The following GARIN5A variants were observed in gnomAD, a reference collection of about 807,000 sequenced individuals.
GARIN5A encodes the protein Golgi-associated RAB2 interactor protein 5A.
the GARIN5A span, among the ~76,000 whole-genome samples, chr19:50,471,642 A>G: frequency 2.8e-4 from 30 of 108,476 alleles, no homozygotes; most frequent in South Asian, 1.9e-3. Context: ...ACATGTGTGT[A>G]TATACGCATA....
the GARIN5A span, among the ~76,000 whole-genome samples, chr19:50,474,760 T>C: frequency 6.6e-6 from 1 of 152,170 alleles, no homozygotes; most frequent in Admixed American, 6.5e-5. Flanking sequence ...GTGCTGGGAT[T>C]ACAGGTGTGG....
At chr19:50,476,565 G>T in the GARIN5A span, 2 of 1,575,184 alleles carry the variant, frequency 1.3e-6, no homozygotes, top group Non-Finnish European at 8.6e-7. Context: ...CCAGCGCTGG[G>T]GCAACCCGGC....
the GARIN5A span, among the ~76,000 whole-genome samples, chr19:50,468,461 C>CT: frequency 1.3e-5 from 2 of 151,972 alleles, no homozygotes; most frequent in Non-Finnish European, 2.9e-5. Flanking sequence ...GCTCCCTCAG[C>CT]CCCTCACACG....
the GARIN5A span, among the ~76,000 whole-genome samples, chr19:50,474,598 G>A: frequency 1.3e-5 from 2 of 152,080 alleles, no homozygotes; most frequent in African/African-American, 2.4e-5. Flanking sequence ...ACCCACCTCA[G>A]CCTCCCAAAG....
At chr19:50,470,775 C>G in the GARIN5A span, among the ~76,000 whole-genome samples, 1 of 151,398 alleles carries the variant, frequency 6.6e-6, no homozygotes. Context: ...CTGCCTCAGC[C>G]TCCCGAGTAG....
the GARIN5A span, chr19:50,476,622 G>T: frequency 6.4e-7 from 1 of 1,556,328 alleles, no homozygotes; most frequent in Non-Finnish European, 8.6e-7. Context: ...GTCGAGCCCG[G>T]GGCAGCGGCT....
At chr19:50,472,192 A>ATGTATACGTGTGTATATGTATGTATACG in the GARIN5A span, among the ~76,000 whole-genome samples, 6 of 107,096 alleles carry the variant, frequency 5.6e-5, no homozygotes, top group African/African-American at 2.4e-4. Context: ...GTATACATGT[A>ATGTATACGTGTGTATATGTATGTATACG]TGTGTGCATG....
the GARIN5A span, among the ~76,000 whole-genome samples, chr19:50,474,734 G>C: frequency 1.3e-5 from 2 of 151,880 alleles, no homozygotes; most frequent in African/African-American, 4.8e-5. Flanking sequence ...TGATCTGCCT[G>C]CCTTGGCCTC....
the GARIN5A span, among the ~76,000 whole-genome samples, chr19:50,473,210 T>C: frequency 6.6e-6 from 1 of 152,208 alleles, no homozygotes; most frequent in Non-Finnish European, 1.5e-5. Context: ...ATCTTTTGGA[T>C]TTCAGAAATG....
chr19:50,472,594 T>C, the GARIN5A span, among the ~76,000 whole-genome samples: 1 of 152,018 alleles, frequency 6.6e-6, no homozygotes. Flanking sequence ...GAAATACAGT[T>C]AGCATTTAAA....
At chr19:50,471,807 CAT>C in the GARIN5A span, among the ~76,000 whole-genome samples, 23 of 143,490 alleles carry the variant, frequency 1.6e-4, no homozygotes, top group Admixed American at 8.8e-4. Context: ...TGTGTATACG[CAT>C]ACATACCTGT....
chr19:50,476,360 T>G, the GARIN5A span: 5 of 1,572,684 alleles, frequency 3.2e-6, no homozygotes, highest in Admixed American at 9.0e-5. Flanking sequence ...GGGCGGCTCC[T>G]GGAGATCAGG....
chr19:50,467,822 G>T, the GARIN5A span: 1 of 1,613,052 alleles, frequency 6.2e-7, no homozygotes, highest in East Asian at 2.2e-5. Context: ...AACTTCAAGG[G>T]GAACAGCCTG....
At chr19:50,470,698 G>A in the GARIN5A span, among the ~76,000 whole-genome samples, 177 of 133,860 alleles carry the variant, frequency 1.3e-3, 1 homozygote, top group African/African-American at 4.8e-3. Flanking sequence ...ACTGTTTCCC[G>A]GGCTGGAGTG....
chr19:50,469,985 G>T, the GARIN5A span, among the ~76,000 whole-genome samples: 3 of 152,068 alleles, frequency 2.0e-5, no homozygotes, highest in Non-Finnish European at 2.9e-5. Context: ...TTTTTCCCCC[G>T]ACAACCTTAT....
the GARIN5A span, chr19:50,476,193 G>A: frequency 3.1e-6 from 5 of 1,613,734 alleles, no homozygotes; most frequent in East Asian, 2.2e-5. Context: ...CCGCGATCCC[G>A]CCTCATTGCA....
At chr19:50,476,526 C>G in the GARIN5A span, 1 of 1,569,940 alleles carries the variant, frequency 6.4e-7, no homozygotes, top group African/African-American at 1.4e-5. Flanking sequence ...CGTCCCTTCG[C>G]TGGTGGGAAG....
chr19:50,471,715 T>C, the GARIN5A span, among the ~76,000 whole-genome samples: 20 of 147,954 alleles, frequency 1.4e-4, no homozygotes, highest in African/African-American at 4.9e-4. Context: ...CACGTGTGTG[T>C]ATACGCATAC....
the GARIN5A span, among the ~76,000 whole-genome samples, chr19:50,472,041 T>C: frequency 1.4e-5 from 2 of 146,098 alleles, no homozygotes; most frequent in African/African-American, 2.8e-5. Flanking sequence ...TACGTGTGTG[T>C]ATATGTATAT....
Sources: allele counts gnomAD v4.1 joint callset (sites outside exome capture counted in the v4.1 genomes callset), GRCh38; gene constraint gnomAD v4.1.1; transcripts MANE v1.5; gene names NCBI Gene and HGNC (gene_info 2026-07-23, HGNC 2026-07-21).